Variants in UBE2U observed in about 807,000 individuals in gnomAD.
UBE2U encodes ubiquitin-conjugating enzyme E2 U.
A neutral mutation model predicts 41.2 loss-of-function variants in UBE2U; 39 were observed. The observed-to-expected ratio is 0.95, with a 90% CI of 0.73 to 1.24. The LOEUF is 1.24. UBE2U is among the 50% of genes most tolerant of loss of function. UBE2U has a pLI of 0.00. For synonymous variants in UBE2U, 107 were observed against 117.8 expected (o/e 0.91, Z 0.60); for missense variants, 336 against 363.1 (o/e 0.93, Z 0.61).
chr1:64,209,113 T>A (rs1651499960), intron 3 of UBE2U, among the ~76,000 whole-genome samples: 1 of 152,240 alleles, frequency 6.6e-6, no homozygotes. Context: ...ATTATTTTAT[T>A]GTAATTAAAA....
At chr1:64,249,782 C>T (rs2375121) in intron 8 of UBE2U, among the ~76,000 whole-genome samples, 33,979 of 151,610 alleles carry the variant, frequency 0.22, 4,007 homozygotes, top group Middle Eastern at 0.35. Flanking sequence ...AGCTGTGGGA[C>T]AATATCAAGT....
chr1:64,254,536 A>G (rs1645061925), intron 8 of UBE2U, among the ~76,000 whole-genome samples: 1 of 152,220 alleles, frequency 6.6e-6, no homozygotes, highest in Non-Finnish European at 1.5e-5. Context: ...ATGCAAAAGA[A>G]CTGAAGTCAT....
At chr1:64,205,805 G>T (rs559438037) in intron 2 of UBE2U, 85 bp downstream of exon 2, 2 of 1,042,080 alleles carry the variant, frequency 1.9e-6, no homozygotes, top group East Asian at 2.6e-5. Context: ...GGATAAGGTC[G>T]CATTATATAA....
intron 5 of UBE2U, 136 bp downstream of exon 5, chr1:64,215,068 A>T (rs1651907301): frequency 1.7e-6 from 1 of 593,994 alleles, no homozygotes; most frequent in East Asian, 3.0e-5. Context: ...CCCTGTCTCT[A>T]CTAAAATACA....
At chr1:64,264,279 AG>A (rs976247176) in intron 9 of UBE2U, among the ~76,000 whole-genome samples, 1 of 152,348 alleles carries the variant, frequency 6.6e-6, no homozygotes, top group African/African-American at 2.4e-5. Context: ...AACCCAAGAA[AG>A]GCATGGAAAA....
At chr1:64,244,357 C>A (rs981086846) in intron 8 of UBE2U, 2 of 723,310 alleles carry the variant, frequency 2.8e-6, no homozygotes, top group Non-Finnish European at 1.7e-6. Context: ...TATTATATAT[C>A]TGTTACATAT....
intron 8 of UBE2U, among the ~76,000 whole-genome samples, chr1:64,257,382 C>A (rs1645110416): frequency 6.6e-6 from 1 of 152,120 alleles, no homozygotes; most frequent in African/African-American, 2.4e-5. Context: ...CAATGATAGA[C>A]TGGAAAAAGA....
At chr1:64,219,096 T>A (rs1470931682) in intron 5 of UBE2U, among the ~76,000 whole-genome samples, 5 of 152,312 alleles carry the variant, frequency 3.3e-5, no homozygotes, top group Admixed American at 6.5e-5. Flanking sequence ...TTGGAGTACA[T>A]CTTCTAGGAG....
intron 7 of UBE2U, 99 bp downstream of exon 7, chr1:64,232,748 A>C: frequency 1.2e-6 from 1 of 837,132 alleles, no homozygotes; most frequent in Non-Finnish European, 1.9e-6. Context: ...TCTGCTATGT[A>C]AGAGTGATAA....
At chr1:64,207,526 T>C (rs1216018885) in intron 3 of UBE2U, among the ~76,000 whole-genome samples, 3 of 152,236 alleles carry the variant, frequency 2.0e-5, no homozygotes, top group African/African-American at 7.2e-5. Context: ...GGTTCAACAA[T>C]ACACTTAACC....
chr1:64,258,732 T>C (rs1407047514), intron 8 of UBE2U, among the ~76,000 whole-genome samples: 2 of 152,226 alleles, frequency 1.3e-5, no homozygotes, highest in African/African-American at 4.8e-5. Context: ...AGATGGACAT[T>C]TGGGTTGGTT....
At chr1:64,252,698 AAAAC>A (rs777579818) in intron 8 of UBE2U, among the ~76,000 whole-genome samples, 2 of 152,220 alleles carry the variant, frequency 1.3e-5, no homozygotes, top group South Asian at 2.1e-4. Flanking sequence ...TGTTAAAAGA[AAAAC>A]AAACAAACAG....
rs759905573 is a variant in UBE2U at position 64,232,668 on chromosome 1, AT to A, written c.595+20del. The A allele has an allele frequency of 1.3e-6, 2 of 1,580,556 alleles. No individual in the cohort carries two copies. The highest frequency in any genetic ancestry group is 2.7e-5 in the African/African-American group (2 of 73,998). ...ACTCCATGTAAGGTGAACTATCCTT[AT>A]CCTATGTCCTTTTGGTATATGTTAA... On this transcript the variant is annotated intron_variant, in intron 7 of 9. Coordinates refer to ENST00000371077, the MANE Select transcript of UBE2U (RefSeq NM_001366232.2).
intron 8 of UBE2U, among the ~76,000 whole-genome samples, chr1:64,252,372 A>G (rs558369297): frequency 1.3e-4 from 20 of 152,268 alleles, no homozygotes; most frequent in African/African-American, 3.4e-4. Flanking sequence ...GTCCCCCTCA[A>G]TGCAGCACAT....
At chr1:64,244,293 T>G in intron 8 of UBE2U, 1 of 1,143,510 alleles carries the variant, frequency 8.7e-7, no homozygotes, top group Non-Finnish European at 1.1e-6. Flanking sequence ...CGCTTATTAT[T>G]TTATATATAT....
chr1:64,206,473 T>G (rs987300818), intron 2 of UBE2U, among the ~76,000 whole-genome samples: 5 of 151,262 alleles, frequency 3.3e-5, no homozygotes, highest in African/African-American at 1.2e-4. Context: ...TAGCAGATTT[T>G]GGGAACATGA....
chr1:64,234,320 T>G (rs547999301), intron 7 of UBE2U, among the ~76,000 whole-genome samples: 9 of 152,228 alleles, frequency 5.9e-5, no homozygotes, highest in Non-Finnish European at 1.3e-4. Flanking sequence ...AAAGCCAGAA[T>G]CTTAGATGTT....
At chr1:64,262,231 G>A (rs1645189710) in intron 9 of UBE2U, among the ~76,000 whole-genome samples, 1 of 152,110 alleles carries the variant, frequency 6.6e-6, no homozygotes, top group Non-Finnish European at 1.5e-5. Flanking sequence ...TTCTTTGTGG[G>A]TTATCATAGC....
chr1:64,262,852 T>C (rs1442981132), intron 9 of UBE2U, among the ~76,000 whole-genome samples: 1 of 152,078 alleles, frequency 6.6e-6, no homozygotes, highest in Non-Finnish European at 1.5e-5. Flanking sequence ...ACACATGCTG[T>C]GTTATTACTC....
Sources: gnomAD v4.1 joint callset for allele counts (sites outside exome capture counted in the v4.1 genomes callset) on GRCh38, gnomAD v4.1.1 for gene constraint, MANE v1.5 for transcripts, NCBI Gene and HGNC (gene_info 2026-07-23, HGNC 2026-07-21) for gene names.